Variants in ADHFE1 observed in about 807,000 individuals in gnomAD.
ADHFE1 encodes the protein hydroxyacid-oxoacid transhydrogenase, mitochondrial.
Under a neutral mutation model 54.8 loss-of-function variants are expected in ADHFE1, and 37 were observed. The observed-to-expected ratio is 0.68, with a 90% CI of 0.52 to 0.89. The LOEUF (loss-of-function observed/expected upper bound fraction) is 0.89, where lower values mean the gene tolerates loss of function less well. ADHFE1 is among the 40% of genes least tolerant of loss of function. The pLI is 0.00. For synonymous variants in ADHFE1, 203 were observed against 229.3 expected, an observed-to-expected ratio of 0.89 and a Z score of 1.04; for missense variants, 601 against 591.2, an observed-to-expected ratio of 1.02 and a Z score of -0.17.
At chr8:66,456,795 A>G (rs188007136) in intron 10 of ADHFE1, 22 bp from the exon 11 acceptor site, 1 of 1,574,240 alleles carries the variant, frequency 6.4e-7, no homozygotes, top group East Asian at 2.3e-5. Flanking sequence ...GTATGAACAT[A>G]AGGATTTTCT....
chr8:66,453,945 C>A, intron 9 of ADHFE1, 114 bp from the exon 10 acceptor site: 1 of 1,524,784 alleles, frequency 6.6e-7, no homozygotes, highest in Non-Finnish European at 8.8e-7. Context: ...GATTTTTCTT[C>A]CTACCGAGTA....
chr8:66,456,785 G>C, intron 10 of ADHFE1, 32 bp from the exon 11 acceptor site: 1 of 1,526,884 alleles, frequency 6.5e-7, no homozygotes, highest in Non-Finnish European at 9.1e-7. Flanking sequence ...TGATAACTGT[G>C]TATGAACATA....
Position 66,445,325 on chromosome 8 carries a change from C to T in ADHFE1, c.461C>T (p.Ser154Phe). ...TGTAAGGCTGCTAATCTGTATGCAT[C>T]CAGCCCTCATTCTGATTTCCTAGAT... ...DTCKAANLYA[S>F]SPHSDFLDYV... The change falls in exon 6 of 14, where the codon TCC becomes TTC. Residue 154 changes from serine (S) to phenylalanine (F), a missense_variant. By Grantham distance (155) the Ser-to-Phe change is radical (BLOSUM62 -2). Coordinates refer to ENST00000396623, the MANE Select transcript of ADHFE1 (RefSeq NM_144650.3). The T allele has an allele frequency of 1.2e-6, 2 of 1,614,016 alleles. No homozygotes were observed. The highest frequency in any genetic ancestry group is 1.7e-6 in the Non-Finnish European group (2 of 1,180,004).
intron 1 of ADHFE1, among the ~76,000 whole-genome samples, chr8:66,434,707 G>A (rs1046503373): frequency 1.1e-4 from 17 of 152,208 alleles, no homozygotes; most frequent in Non-Finnish European, 1.5e-4. Context: ...GAGCAACTGC[G>A]CTGACAACTG....
chr8:66,462,221 CA>C (rs1806938162), intron 13 of ADHFE1, among the ~76,000 whole-genome samples: 1 of 152,112 alleles, frequency 6.6e-6, no homozygotes, highest in Admixed American at 6.6e-5. Flanking sequence ...CAACCAAAGA[CA>C]GGGGAGCCAT....
chr8:66,458,472 G>A (rs1282570413), intron 12 of ADHFE1, among the ~76,000 whole-genome samples: 2 of 152,214 alleles, frequency 1.3e-5, no homozygotes, highest in African/African-American at 4.8e-5. Context: ...TCGGACTGGA[G>A]ATGTTGTTCA....
intron 12 of ADHFE1, among the ~76,000 whole-genome samples, chr8:66,458,996 G>C (rs929391754): frequency 6.6e-6 from 1 of 152,036 alleles, no homozygotes; most frequent in African/African-American, 2.4e-5. Flanking sequence ...CCTTTCATCC[G>C]GCTGCTCTCC....
intron 13 of ADHFE1, among the ~76,000 whole-genome samples, chr8:66,463,398 A>G (rs941636253): frequency 6.6e-6 from 1 of 152,236 alleles, no homozygotes; most frequent in Admixed American, 6.5e-5. Context: ...GGCTGTATTC[A>G]TAAAACACCC....
chr8:66,464,090 G>A (rs1305374211), intron 13 of ADHFE1, among the ~76,000 whole-genome samples: 1 of 152,236 alleles, frequency 6.6e-6, no homozygotes, highest in East Asian at 1.9e-4. Flanking sequence ...CAGGCCAGCT[G>A]AAATGTTGTT....
In ADHFE1 at chr8:66,439,775, A is replaced by G. The variant is rs116823888; in HGVS notation, c.60-387A>G. 2.3e-4 allele frequency: 244 copies of G among 1,042,096 alleles called. No homozygotes were observed. The African/African-American group carries it at 3.8e-3, about 16-fold the overall frequency. The allele number at this position is 1,042,096 out of a possible 1,614,324, so 64.6% of individuals were successfully genotyped here. A position where few individuals can be genotyped will look rare whatever the true frequency, so the allele number is the denominator to read the frequency against. On this transcript the variant is annotated intron_variant, in intron 1 of 13. Coordinates refer to ENST00000396623, the MANE Select transcript of ADHFE1 (RefSeq NM_144650.3). The surrounding 1 kb of genome is among the most constrained non-coding windows in gnomAD (Gnocchi z 4.4). ...TAGGGTAGTAAGTAAGAAGAGGCAC[A>G]CAGAGTTAACCTTGGGCCGATTTGG...
In ADHFE1 at chr8:66,444,704, CT is replaced by C. The variant is rs567577128; in HGVS notation, c.312del (p.Phe104LeufsTer7). ...ATTCCCTAGTGAAGAATGGCATCCCCTTTACGGTTTATGATAATGTGAGAGT... is the reference window on the plus strand; with the variant it reads ...ATTCCCTAGTGAAGAATGGCATCCCCTTACGGTTTATGATAATGTGAGAGT... ...MDSLVKNGIP[F>X]TVYDNVRVEP... is the part of the protein sequence containing the mutation. On this transcript the variant is annotated frameshift_variant, in exon 5 of 14. Coordinates refer to ENST00000396623, the MANE Select transcript of ADHFE1 (RefSeq NM_144650.3). LOFTEE classifies it high-confidence loss of function. 1.1e-3 allele frequency: 1,832 copies of C among 1,614,232 alleles called. 36 individuals carry two copies. In the South Asian group the frequency reaches 0.018, roughly 15 times the overall value.
At chr8:66,442,916 G>T in intron 3 of ADHFE1, 72 bp downstream of exon 3, 2 of 1,225,438 alleles carry the variant, frequency 1.6e-6, no homozygotes, top group Admixed American at 2.4e-5. Flanking sequence ...TTTTGCTAAT[G>T]AATTATTATT....
chr8:66,462,965 G>A lies in ADHFE1; in HGVS notation c.1320+2500G>A, dbSNP rs549130359. 3.9e-5 allele frequency among the ~76,000 whole-genome samples: 6 copies of A among 152,242 alleles called. No individual in the cohort carries two copies. The South Asian group carries it at 1.2e-3, about 32-fold the overall frequency. ...GCCTCCCGAGTAGCTGGTATTACAGGCACACACCACCATGCCCAGCTAATT... is the reference window on the plus strand; with the variant it reads ...GCCTCCCGAGTAGCTGGTATTACAGACACACACCACCATGCCCAGCTAATT... On this transcript the variant is annotated intron_variant, in intron 13 of 13. Transcript: ENST00000396623.
chr8:66,457,827 A>G (rs1025243275), intron 12 of ADHFE1, among the ~76,000 whole-genome samples: 2 of 152,262 alleles, frequency 1.3e-5, no homozygotes, highest in Admixed American at 6.5e-5. Context: ...AATTATTTTT[A>G]TATTTTTAAT....
At position 66,439,338 on chromosome 8, in the gene ADHFE1, G is replaced by T; in HGVS notation, c.60-824G>T. ...GGGCAACCCAACGAAACATAAAACC[G>T]TCTTCCCAGCCTCGATCAGAGAGCG... On this transcript the variant is annotated intron_variant, in intron 1 of 13. Transcript: ENST00000396623. The surrounding 1 kb of genome is among the most constrained non-coding windows in gnomAD (Gnocchi z 4.4). The T allele has an allele frequency of 1.0e-6, 1 of 985,678 alleles. No homozygotes were observed. Among genetic ancestry groups the T allele is most frequent in the Non-Finnish European group, 1.2e-6 (1 of 830,150 alleles). 61.1% of individuals were successfully genotyped at this position (985,678 alleles called of 1,614,324 possible).
At position 66,444,619 on chromosome 8, in the gene ADHFE1, A is replaced by G; in HGVS notation, c.224A>G (p.Asn75Ser). 6.2e-7 allele frequency: 1 copy of G among 1,614,210 alleles called. No individual in the cohort carries two copies. The change falls in exon 5 of 14, where the codon AAT (asparagine) becomes AGT (serine). Residue 75 changes from asparagine (N) to serine (S), a missense_variant. Physicochemically the swap from Asn to Ser is conservative, Grantham distance 46. Transcript: ENST00000396623. ...GACCTAAAAAACATGGGTGCTAAAA[A>G]TGTGTGCTTGATGACAGACAAGAAC... ...GMDLKNMGAK[N>S]VCLMTDKNLS... is the part of the protein sequence containing the mutation.
Position 66,444,442 on chromosome 8 carries a change from G to C in ADHFE1, c.198+22G>C, listed in dbSNP as rs201762144. Reference sequence around the variant, plus strand: ...AATGGCAAGTATTCGAGATGTCTACGGTCTCCTACTGTAAATGTTACATAT... The same window carrying C: ...AATGGCAAGTATTCGAGATGTCTACCGTCTCCTACTGTAAATGTTACATAT... On this transcript the variant is annotated intron_variant, in intron 4 of 13. Transcript: ENST00000396623. 6.2e-6 allele frequency: 10 copies of C among 1,612,404 alleles called. No homozygotes were observed. In the African/African-American group the frequency reaches 9.4e-5, roughly 15 times the overall value.
In ADHFE1 at chr8:66,466,352, C is replaced by T. The variant is rs1473514940; in HGVS notation, c.1321-1917C>T. ...CCGCCTGCCTCAGCCTCCCAAAGTG[C>T]TGGGACCACCGCACTGGACTCCCTG... is the stretch of plus-strand genomic sequence containing the variant. On this transcript the variant is annotated intron_variant, in intron 13 of 13. Transcript: ENST00000396623. 1.3e-5 allele frequency among the ~76,000 whole-genome samples: 2 copies of T among 151,700 alleles called. 1 individual carries two copies. The highest frequency in any genetic ancestry group is 1.3e-4 in the Admixed American group (2 of 15,180).
chr8:66,442,885 G>A, intron 3 of ADHFE1, 41 bp downstream of exon 3: 2 of 1,446,422 alleles, frequency 1.4e-6, no homozygotes, highest in South Asian at 1.3e-5. Context: ...TGAATGACTA[G>A]AAAAAAATAA....
Sources: gnomAD v4.1 joint callset for allele counts (sites outside exome capture counted in the v4.1 genomes callset) on GRCh38, gnomAD v4.1.1 for gene constraint, Gnocchi (gnomAD v3.1) non-coding constraint, MANE v1.5 for transcripts, NCBI Gene and HGNC (gene_info 2026-07-23, HGNC 2026-07-21) for gene names.